PCNX1: variants seen among roughly 807,000 people sequenced by gnomAD.
PCNX1 encodes pecanex 1.
In PCNX1, 78 loss-of-function variants were observed where a neutral mutation model predicts 242.2. That is an observed-to-expected ratio of 0.32 (90% CI 0.27 to 0.39). PCNX1 has a LOEUF of 0.39. PCNX1 is among the 10% of genes least tolerant of loss of function. The pLI is 1.00. For synonymous variants in PCNX1, 1,024 were observed against 1,032.9 expected (o/e 0.99, Z 0.17); for missense variants, 2,581 against 2,856.5 (o/e 0.90, Z 2.20).
At chr14:70,908,362 G>T (rs924919709) in intron 1 of PCNX1, among the ~76,000 whole-genome samples, 1 of 152,108 alleles carries the variant, frequency 6.6e-6, no homozygotes, top group African/African-American at 2.4e-5. Context: ...AGCGCTCTGC[G>T]GCTTTAGGGG....
intron 24 of PCNX1, among the ~76,000 whole-genome samples, chr14:71,055,124 C>T (rs1445971078): frequency 6.6e-6 from 1 of 152,208 alleles, no homozygotes; most frequent in East Asian, 1.9e-4. Flanking sequence ...AACATTGCAT[C>T]ACTGAGCATT....
chr14:70,962,234 G>A lies in PCNX1; in HGVS notation c.371G>A (p.Gly124Asp). ...CATTTTTTTCTCCACAGTGATCCTG[G>A]TGGAGGGATTGAAATGTCTGAGTTC... ...RKDSNGPSDP[G>D]GGIEMSEFIR... Residue 124 changes from glycine to aspartate, a missense_variant, in exon 3 of 36, where the codon GGT becomes GAT. Physicochemically the swap from Gly to Asp is moderately conservative, Grantham distance 94 (BLOSUM62 -1). Transcript: ENST00000304743. The A allele has an allele frequency of 1.2e-6, 2 of 1,602,810 alleles. No individual in the cohort carries two copies. Among genetic ancestry groups the A allele is most frequent in the Non-Finnish European group, 1.7e-6 (2 of 1,169,764 alleles).
intron 1 of PCNX1, among the ~76,000 whole-genome samples, chr14:70,910,437 C>G (rs1213737208): frequency 1.3e-5 from 2 of 151,672 alleles, no homozygotes; most frequent in Non-Finnish European, 2.9e-5. Flanking sequence ...CTTGTCTCAA[C>G]CACACACACA....
At chr14:71,057,378 AG>A (rs2061211871) in intron 25 of PCNX1, 130 bp from the exon 26 acceptor site, 1 of 620,308 alleles carries the variant, frequency 1.6e-6, no homozygotes, top group Non-Finnish European at 2.8e-6. Flanking sequence ...AGAAACTGTA[AG>A]GGTATGAATG....
At chr14:70,965,847 C>T (rs2058363015) in intron 3 of PCNX1, among the ~76,000 whole-genome samples, 1 of 152,058 alleles carries the variant, frequency 6.6e-6, no homozygotes, top group African/African-American at 2.4e-5. Context: ...CCCTGGTATC[C>T]ATAATCCTTC....
At position 71,028,884 on chromosome 14, in the gene PCNX1, G is replaced by A. The variant is rs182635248; in HGVS notation, c.3558+93G>A. The stretch of plus-strand genomic sequence containing the variant: ...CAACTAATAATGATTTCTTCCCCTG[G>A]TATCGCTTAGCATTAATTTTCATGG... On this transcript the variant is annotated intron_variant, in intron 16 of 35. Transcript: ENST00000304743. 128 of 663,412 alleles carry A rather than the reference G, an allele frequency of 1.9e-4. 2 individuals are homozygous for A. The East Asian group carries it at 3.8e-3, about 19-fold the overall frequency. The allele number at this position is 663,412 out of a possible 1,614,324, so 41.1% of individuals were successfully genotyped here. A position where few individuals can be genotyped will look rare whatever the true frequency, so the allele number is the denominator to read the frequency against.
intron 2 of PCNX1, among the ~76,000 whole-genome samples, chr14:70,948,975 A>T (rs2057601657): frequency 6.8e-6 from 1 of 147,532 alleles, no homozygotes; most frequent in Non-Finnish European, 1.5e-5. Context: ...ATATACACTT[A>T]TAAATGCTTA....
At chr14:70,908,352 A>C (rs1373210941) in intron 1 of PCNX1, among the ~76,000 whole-genome samples, 1 of 151,648 alleles carries the variant, frequency 6.6e-6, no homozygotes, top group African/African-American at 2.4e-5. Flanking sequence ...GCAGGCGCCG[A>C]GCGCTCTGCG....
chr14:71,034,013 C>T lies in PCNX1; in HGVS notation c.3751C>T (p.Pro1251Ser). Residue 1251 changes from proline (P) to serine (S), a missense_variant, in exon 18 of 36, where the codon CCT becomes TCT. By Grantham distance (74) the Pro-to-Ser change is moderately conservative (BLOSUM62 -1). Around this residue, in one of 9 missense-constraint regions of PCNX1, gnomAD observed 432 missense variants for 443.1 expected, o/e 0.97. Transcript: ENST00000304743. ...DPLSEVKDPL[P>S]EKLRNSVSER... ...TCTATCTGAAGTAAAAGATCCACTGCCTGAAAAACTTAGAAATTCTGTTGT... is the reference window on the plus strand; with the variant it reads ...TCTATCTGAAGTAAAAGATCCACTGTCTGAAAAACTTAGAAATTCTGTTGT... The T allele has an allele frequency of 6.3e-7, 1 of 1,594,566 alleles. No homozygotes were observed. Among genetic ancestry groups the T allele is most frequent in the Non-Finnish European group, 8.6e-7 (1 of 1,166,316 alleles).
chr14:70,931,425 A>G (rs2056794436), intron 1 of PCNX1, among the ~76,000 whole-genome samples: 1 of 152,238 alleles, frequency 6.6e-6, no homozygotes, highest in African/African-American at 2.4e-5. Context: ...AGAAGGCAGC[A>G]CTGCTATTGT....
chr14:70,910,295 C>G (rs1235639502), intron 1 of PCNX1, among the ~76,000 whole-genome samples: 3 of 140,808 alleles, frequency 2.1e-5, no homozygotes, highest in East Asian at 2.1e-4. Context: ...TCACCATTCT[C>G]TCTCCTGGAT....
At chr14:71,087,283 G>A (rs1193426300) in intron 28 of PCNX1, among the ~76,000 whole-genome samples, 2 of 152,048 alleles carry the variant, frequency 1.3e-5, no homozygotes, top group East Asian at 3.9e-4. Context: ...AGTACGTGCT[G>A]TAAGAGGTAA....
At chr14:71,030,245 T>C (rs982855227) in intron 16 of PCNX1, among the ~76,000 whole-genome samples, 1 of 152,340 alleles carries the variant, frequency 6.6e-6, no homozygotes, top group South Asian at 2.1e-4. Context: ...CCTGTATAGA[T>C]CTACCTTTCA....
At position 71,108,748 on chromosome 14, in the gene PCNX1, G is replaced by T; in HGVS notation, c.6446G>T (p.Arg2149Leu). 6.2e-7 allele frequency: 1 copy of T among 1,614,184 alleles called. No individual in the cohort carries two copies. The highest frequency in any genetic ancestry group is 8.5e-7 in the Non-Finnish European group (1 of 1,180,036). The change falls in exon 34 of 36, where the codon CGG (arginine) becomes CTG (leucine). Residue 2149 changes from arginine (R) to leucine (L), a missense_variant. This residue lies in a region of PCNX1 where 432 missense variants were observed against 433.6 expected (regional missense o/e 1.00). Transcript: ENST00000304743. ...RMSTTGFVPC[R>L]RSSTSQISLR... ...TCCACCACTGGGTTTGTGCCTTGTC[G>T]GCGCTCTTCTACTAGTCAGATATCG...
intron 22 of PCNX1, among the ~76,000 whole-genome samples, chr14:71,049,824 T>A (rs2060971319): frequency 6.6e-6 from 1 of 152,240 alleles, no homozygotes; most frequent in East Asian, 1.9e-4. Flanking sequence ...ATGAGGTGAT[T>A]GTTGCTTAAT....
intron 10 of PCNX1, 64 bp downstream of exon 10, chr14:71,011,613 C>A: frequency 1.1e-6 from 1 of 952,182 alleles, no homozygotes; most frequent in Non-Finnish European, 1.7e-6. Flanking sequence ...TATGTATTTA[C>A]ATAGATAGCT....
At chr14:70,919,709 T>TTCCCCCCCCC (rs2056296253) in intron 1 of PCNX1, among the ~76,000 whole-genome samples, 1 of 8,088 alleles carries the variant, frequency 1.2e-4, no homozygotes, top group African/African-American at 4.7e-4. Flanking sequence ...GTTTCTCTGC[T>TTCCCCCCCCC]CCCCCCCCCC....
At chr14:70,934,559 C>T (rs1277290632) in intron 1 of PCNX1, among the ~76,000 whole-genome samples, 1 of 152,178 alleles carries the variant, frequency 6.6e-6, no homozygotes, top group East Asian at 1.9e-4. Context: ...GCTGGGATTA[C>T]AGTCATAACC....
chr14:70,948,894 CACAT>C (rs755598927), intron 2 of PCNX1, among the ~76,000 whole-genome samples: 167 of 146,414 alleles, frequency 1.1e-3, no homozygotes, highest in Non-Finnish European at 1.3e-3. Flanking sequence ...TATATATACA[CACAT>C]ACGTGTATAT....
Sources: allele counts gnomAD v4.1 joint callset (sites outside exome capture counted in the v4.1 genomes callset), GRCh38; gene constraint gnomAD v4.1.1; regional missense constraint gnomAD v4.1.1; transcripts MANE v1.5; gene names NCBI Gene and HGNC (gene_info 2026-07-23, HGNC 2026-07-21).